Variants in UBR2 observed in about 807,000 individuals in gnomAD.
UBR2 encodes E3 ubiquitin-protein ligase UBR2.
In UBR2, 92 loss-of-function variants were observed where a neutral mutation model predicts 247.9. The ratio of observed to expected loss-of-function variants is 0.37; its 90% confidence interval spans 0.31 to 0.44. The LOEUF (loss-of-function observed/expected upper bound fraction) is 0.44, where lower values mean the gene tolerates loss of function less well. Ranked by LOEUF, UBR2 falls within the 20% of genes least tolerant of loss-of-function variation. UBR2 has a pLI of 1.00. For synonymous variants in UBR2, 672 were observed against 693.5 expected (o/e 0.97, Z 0.49); for missense variants, 1,613 against 2,112.6 (o/e 0.76, Z 4.64).
intron 38 of UBR2, among the ~76,000 whole-genome samples, chr6:42,674,481 G>A (rs1026530412): frequency 1.3e-5 from 2 of 152,094 alleles, no homozygotes; most frequent in African/African-American, 2.4e-5. Context: ...CACCAGCAAC[G>A]GGTCAGGTGT....
intron 26 of UBR2, among the ~76,000 whole-genome samples, chr6:42,656,620 G>A (rs1023357419): frequency 2.0e-5 from 3 of 152,190 alleles, no homozygotes; most frequent in Non-Finnish European, 4.4e-5. Flanking sequence ...GATTATTTCT[G>A]TAACTGTGTT....
chr6:42,602,143 A>G (rs1461352526), intron 4 of UBR2, among the ~76,000 whole-genome samples: 7 of 151,490 alleles, frequency 4.6e-5, no homozygotes, highest in African/African-American at 1.7e-4. Flanking sequence ...TGTTGGGATT[A>G]CAGGCGTGAG....
At chr6:42,678,725 A>T in intron 41 of UBR2, 56 bp downstream of exon 41, 1 of 1,546,496 alleles carries the variant, frequency 6.5e-7, no homozygotes, top group Non-Finnish European at 8.7e-7. Context: ...TTACTCCAGC[A>T]AATATAAAGA....
chr6:42,665,691 C>A (rs926852524), intron 33 of UBR2, among the ~76,000 whole-genome samples, 179 bp downstream of exon 33: 3 of 152,182 alleles, frequency 2.0e-5, no homozygotes, highest in African/African-American at 7.2e-5. Context: ...TCCTTAAACA[C>A]ACAAGCTCAT....
intron 39 of UBR2, among the ~76,000 whole-genome samples, 196 bp downstream of exon 39, chr6:42,676,387 A>T (rs570974763): frequency 6.6e-6 from 1 of 152,348 alleles, no homozygotes; most frequent in East Asian, 1.9e-4. Flanking sequence ...GAATGTTTCT[A>T]GTTTTAATTT....
rs551915911 is a variant in UBR2, at chr6:42,588,901, G to T, written c.339-3250G>T. Among the ~76,000 whole-genome samples, 7 of 152,216 alleles carry T rather than the reference G, an allele frequency of 4.6e-5. No individual in the cohort carries two copies. In the East Asian group the frequency reaches 1.3e-3, roughly 29 times the overall value. ...AGTGATGTTAGCTGTAGGTTTTTTT[G>T]TAGTTATTCCTTGTCAAGTTGAGAA... On this transcript the variant is annotated intron_variant, in intron 2 of 46. Transcript: ENST00000372901.
intron 8 of UBR2, among the ~76,000 whole-genome samples, chr6:42,614,527 T>C (rs1379857995): frequency 2.0e-5 from 3 of 152,088 alleles, no homozygotes; most frequent in Middle Eastern, 6.8e-3. Context: ...TTCTGAAGTT[T>C]ACATTTAAAA....
chr6:42,648,045 G>T, intron 21 of UBR2, 73 bp from the exon 22 acceptor site: 1 of 1,249,622 alleles, frequency 8.0e-7, no homozygotes, highest in South Asian at 1.3e-5. Flanking sequence ...GAGGGTCAAT[G>T]AGATAAAACA....
chr6:42,620,482 T>TG (rs1405612658), intron 11 of UBR2: 1 of 68,344 alleles, frequency 1.5e-5, no homozygotes, highest in Admixed American at 1.5e-4. Flanking sequence ...TTAAGTGTTG[T>TG]TTTTTTTTTT....
chr6:42,679,816 A>T lies in UBR2; in HGVS notation c.4702A>T (p.Asn1568Tyr), dbSNP rs760422381. The change falls in exon 42 of 47, where the codon AAT becomes TAT. Residue 1568 changes from asparagine (N) to tyrosine (Y), a missense_variant. Transcript: ENST00000372901. ...TTTTCAAGAAAATAGTGAGATAATG[A>T]ATTCACTGATTGAAAGGTAATGATT... ...CLFQENSEIM[N>Y]SLIESWCRNS... 49 of 1,608,188 alleles carry T rather than the reference A, an allele frequency of 3.0e-5. No individual in the cohort carries two copies. The Middle Eastern group carries it at 2.6e-3, about 87-fold the overall frequency.
intron 11 of UBR2, chr6:42,619,451 A>ATTTTTTTTTTTTTT (rs1310062071): frequency 8.7e-5 from 2 of 23,016 alleles, no homozygotes; most frequent in South Asian, 2.0e-3. Context: ...ATATATATAT[A>ATTTTTTTTTTTTTT]TATTTTTTTT....
At chr6:42,626,381 A>G (rs1418639010) in intron 11 of UBR2, among the ~76,000 whole-genome samples, 1 of 152,210 alleles carries the variant, frequency 6.6e-6, no homozygotes, top group African/African-American at 2.4e-5. Flanking sequence ...GTTCAAATGA[A>G]CTTAGGTAAT....
At chr6:42,582,079 C>T (rs374591516) in intron 2 of UBR2, among the ~76,000 whole-genome samples, 3 of 151,960 alleles carry the variant, frequency 2.0e-5, no homozygotes, top group Non-Finnish European at 4.4e-5. Context: ...GTCCGGAGAT[C>T]GAGACCATCC....
At chr6:42,665,573 T>A in intron 33 of UBR2, 61 bp downstream of exon 33, 6 of 1,300,768 alleles carry the variant, frequency 4.6e-6, no homozygotes, top group Non-Finnish European at 6.5e-6. Context: ...GAAAATGTAT[T>A]TCCAGAAGAA....
Position 42,612,280 on chromosome 6 carries a change from T to G in UBR2, c.974T>G (p.Ile325Ser). Residue 325 changes from isoleucine to serine, a missense_variant, in exon 8 of 47, where the codon ATT (isoleucine) becomes AGT (serine). Physicochemically the swap from Ile to Ser is moderately radical, Grantham distance 142. Around this residue, in one of 3 missense-constraint regions of UBR2, gnomAD observed 1,524 missense variants for 1,967.3 expected, o/e 0.77. Coordinates refer to ENST00000372901, the MANE Select transcript of UBR2 (RefSeq NM_001363705.2). Reference protein sequence around the residue: ...LKLLSWLGSIIGYSDGLRRIL... With the variant: ...LKLLSWLGSISGYSDGLRRIL... ...CTTTTGTCTTGGCTGGGAAGTATTA[T>G]TGGATATTCAGGTAGGTTCATAAAA... 1.3e-6 allele frequency: 2 copies of G among 1,515,526 alleles called. No individual in the cohort carries two copies. The highest frequency in any genetic ancestry group is 1.8e-6 in the Non-Finnish European group (2 of 1,111,832). The allele number at this position is 1,515,526 out of a possible 1,614,324, so 93.9% of individuals were successfully genotyped here. A position where few individuals can be genotyped will look rare whatever the true frequency, so the allele number is the denominator to read the frequency against.
In UBR2 at chr6:42,614,217, TACACACACACAC is replaced by T. The variant is rs576036792; in HGVS notation, c.986-837_986-826del. 1.9e-4 allele frequency among the ~76,000 whole-genome samples: 12 copies of T among 61,860 alleles called. 1 individual carries two copies. The highest frequency in any genetic ancestry group is 1.2e-3 in the South Asian group (2 of 1,732). The allele number at this position is 61,860 out of a possible 152,430, so 40.6% of individuals were successfully genotyped here. A position where few individuals can be genotyped will look rare whatever the true frequency, so the allele number is the denominator to read the frequency against. On this transcript the variant is annotated intron_variant, in intron 8 of 46. Transcript: ENST00000372901. ...AAAAAAAAAAAAAACTATATATATA[TACACACACACAC>T]ACACACACACACACACGCGCGCACA...
At chr6:42,611,933 T>C (rs1404185423) in intron 7 of UBR2, among the ~76,000 whole-genome samples, 1 of 144,998 alleles carries the variant, frequency 6.9e-6, no homozygotes, top group East Asian at 2.0e-4. Context: ...AAAAAAAAGA[T>C]TCAGATTACT....
intron 44 of UBR2, among the ~76,000 whole-genome samples, chr6:42,687,197 T>A (rs1288799806): frequency 6.6e-6 from 1 of 152,176 alleles, no homozygotes; most frequent in Non-Finnish European, 1.5e-5. Flanking sequence ...TGGGCAACAT[T>A]GAGCACTGAG....
intron 8 of UBR2, among the ~76,000 whole-genome samples, chr6:42,612,776 T>G (rs939399476): frequency 6.6e-6 from 1 of 152,188 alleles, no homozygotes; most frequent in Non-Finnish European, 1.5e-5. Flanking sequence ...CACTGAAAAT[T>G]TGTAAATTGG....
Sources: allele counts gnomAD v4.1 joint callset (sites outside exome capture counted in the v4.1 genomes callset), GRCh38; gene constraint gnomAD v4.1.1; regional missense constraint gnomAD v4.1.1; transcripts MANE v1.5; gene names NCBI Gene and HGNC (gene_info 2026-07-23, HGNC 2026-07-21).